The following OFD1 variants were observed in gnomAD, a reference collection of about 807,000 sequenced individuals.
OFD1 encodes the protein centriole and centriolar satellite protein OFD1.
OFD1 carries 12 observed loss-of-function variants against 81.4 expected under a neutral mutation model. The ratio of observed to expected loss-of-function variants is 0.15; its 90% CI spans 0.09 to 0.24. The LOEUF is 0.24. OFD1 is among the 10% of genes least tolerant of loss of function. The pLI, the probability that OFD1 is intolerant of heterozygous loss-of-function variation, is 1.00. For missense variants in OFD1, 685 were observed against 733.9 expected (o/e 0.93, Z 0.77); for synonymous variants, 256 against 263.7 (o/e 0.97, Z 0.28).
At chrX:13,746,184 T>C (rs1477130984) in intron 6 of OFD1, 135 bp from the exon 7 acceptor site, 2 of 534,306 alleles carry the variant, frequency 3.7e-6, no homozygotes, top group African/African-American at 2.3e-5. Flanking sequence ...TTCCTTTTTT[T>C]GTATTTCAAA....
At chrX:13,738,531 G>A (rs1033635931) in intron 3 of OFD1, among the ~76,000 whole-genome samples, 2 of 112,640 alleles carry the variant, frequency 1.8e-5, no homozygotes, top group Non-Finnish European at 3.8e-5. Flanking sequence ...CAGGAACTCA[G>A]TCATGTAGTC....
chrX:13,736,811 A>T, intron 3 of OFD1, 133 bp downstream of exon 3: 1 of 484,802 alleles, frequency 2.1e-6, no homozygotes, highest in Non-Finnish European at 3.6e-6. Context: ...TTCACATTGT[A>T]CCTGCACATA....
At chrX:13,773,120 G>T, downstream of OFD1, 1 of 794,767 alleles carries the variant, frequency 1.3e-6, no homozygotes, top group Non-Finnish European at 1.8e-6. Flanking sequence ...TGACTTTAAA[G>T]GGGCGAAGGT....
intron 21 of OFD1, among the ~76,000 whole-genome samples, chrX:13,768,486 C>T (rs1482146921): frequency 8.9e-6 from 1 of 111,989 alleles, no homozygotes; most frequent in African/African-American, 3.2e-5. Flanking sequence ...AAGAAAAGAT[C>T]TATCAAATGC....
At chrX:13,752,908 A>G in intron 10 of OFD1, 1 of 930,164 alleles carries the variant, frequency 1.1e-6, no homozygotes, top group Non-Finnish European at 1.4e-6. Flanking sequence ...TGCTCTTGGC[A>G]GTTGGCTCTC....
intron 9 of OFD1, among the ~76,000 whole-genome samples, chrX:13,750,702 C>G (rs2047471017): frequency 8.9e-6 from 1 of 112,090 alleles, no homozygotes; most frequent in African/African-American, 3.2e-5. Flanking sequence ...GTCTCAAACA[C>G]TTGGGCTCAA....
downstream of OFD1, chrX:13,769,398 T>G (rs187822253): frequency 2.7e-3 from 754 of 274,392 alleles, 4 homozygotes; most frequent in Non-Finnish European, 3.7e-3. Context: ...ATAACCTATC[T>G]TACTGCTCAA....
intron 5 of OFD1, among the ~76,000 whole-genome samples, chrX:13,740,756 G>A (rs1295707474): frequency 1.9e-5 from 2 of 106,209 alleles, no homozygotes; most frequent in Non-Finnish European, 3.9e-5. Flanking sequence ...TAGCGCCACT[G>A]CACTCCAGCC....
chrX:13,724,676 C>A, the OFD1 span, among the ~76,000 whole-genome samples: 371 of 112,471 alleles, frequency 3.3e-3, 1 homozygote, highest in African/African-American at 0.011. Flanking sequence ...CAGCTCCCAG[C>A]GTGATCAACG....
intron 11 of OFD1, among the ~76,000 whole-genome samples, chrX:13,753,937 G>A: frequency 9.0e-6 from 1 of 111,339 alleles, no homozygotes; most frequent in African/African-American, 3.3e-5. Flanking sequence ...CTGAGACTAT[G>A]GAAGTTGAAT....
At chrX:13,729,202 C>T in the OFD1 span, among the ~76,000 whole-genome samples, 1 of 111,433 alleles carries the variant, frequency 9.0e-6, no homozygotes, top group Non-Finnish European at 1.9e-5. Context: ...CACTGCCATC[C>T]CCATCAAGCT....
the OFD1 span, chrX:13,714,533 CA>C: frequency 1.2e-6 from 1 of 839,325 alleles, no homozygotes; most frequent in Non-Finnish European, 1.7e-6. Context: ...ATTAGTGAAG[CA>C]AAAAAGCTGA....
At chrX:13,770,639 G>A (rs892085531), downstream of OFD1, among the ~76,000 whole-genome samples, 17 of 111,984 alleles carry the variant, frequency 1.5e-4, no homozygotes, top group African/African-American at 4.5e-4. Context: ...CTTTGCCCAC[G>A]TTTAAGCTTT....
At chrX:13,750,594 C>T (rs1319052108) in intron 9 of OFD1, among the ~76,000 whole-genome samples, 1 of 111,932 alleles carries the variant, frequency 8.9e-6, no homozygotes, top group Non-Finnish European at 1.9e-5. Flanking sequence ...ATCTTTTGCC[C>T]TCTCTTTTGG....
chrX:13,720,108 T>C, the OFD1 span: 1 of 459,399 alleles, frequency 2.2e-6, no homozygotes, highest in Non-Finnish European at 3.4e-6. Context: ...GCTACTAAGC[T>C]TGGCAGTTTC....
intron 19 of OFD1, among the ~76,000 whole-genome samples, chrX:13,766,697 A>G (rs191322796): frequency 2.2e-4 from 24 of 110,963 alleles, no homozygotes; most frequent in African/African-American, 6.2e-4. Context: ...AGACTTGAGC[A>G]TCTTTATGGG....
At chrX:13,734,565 C>G, upstream of OFD1, 2 of 474,937 alleles carry the variant, frequency 4.2e-6, no homozygotes, top group Non-Finnish European at 5.6e-6. Context: ...ATGTCAGTTT[C>G]CGCGGAAGAG....
chrX:13,734,667 C>T (rs1281129122), upstream of OFD1: 9 of 914,617 alleles, frequency 9.8e-6, no homozygotes, highest in Admixed American at 1.1e-4. Flanking sequence ...AGCTTCCGGC[C>T]GGTGCTGGGC....
the OFD1 span, among the ~76,000 whole-genome samples, chrX:13,728,615 C>A: frequency 8.9e-6 from 1 of 111,766 alleles, no homozygotes; most frequent in African/African-American, 3.3e-5. Context: ...ATAATAAGAG[C>A]TATTTATGAC....
Sources: allele counts gnomAD v4.1 joint callset (sites outside exome capture counted in the v4.1 genomes callset), GRCh38; gene constraint gnomAD v4.1.1; transcripts MANE v1.5; gene names NCBI Gene and HGNC (gene_info 2026-07-23, HGNC 2026-07-21).